The following KIAA1217 variants were observed in gnomAD, a reference collection of about 807,000 sequenced individuals.
KIAA1217 encodes the protein KIAA1217.
In KIAA1217, 88 loss-of-function variants were observed where a neutral mutation model predicts 163.9. That is an observed-to-expected ratio of 0.54 (90% CI 0.45 to 0.64). The LOEUF (loss-of-function observed/expected upper bound fraction) is 0.64, where lower values mean the gene tolerates loss of function less well. Ranked by LOEUF, KIAA1217 falls within the 30% of genes least tolerant of loss-of-function variation. The pLI is 0.00. For missense variants in KIAA1217, 2,372 were observed against 2,475.0 expected, an observed-to-expected ratio of 0.96 and a Z score of 0.88; for synonymous variants, 903 against 923.1, an observed-to-expected ratio of 0.98 and a Z score of 0.39.
intron 2 of KIAA1217, among the ~76,000 whole-genome samples, chr10:24,027,291 T>A (rs1467931372): frequency 1.3e-5 from 2 of 152,050 alleles, no homozygotes; most frequent in East Asian, 3.9e-4. Context: ...CCTGGGGCAT[T>A]CACTGGGCTT....
At chr10:24,249,695 T>C (rs1367000578) in intron 2 of KIAA1217, among the ~76,000 whole-genome samples, 1 of 152,206 alleles carries the variant, frequency 6.6e-6, no homozygotes, top group African/African-American at 2.4e-5. Flanking sequence ...TTACTTACTA[T>C]ATCTCAGAAA....
intron 1 of KIAA1217, among the ~76,000 whole-genome samples, chr10:23,963,091 G>C (rs117301658): frequency 0.028 from 4,186 of 152,140 alleles, 74 homozygotes; most frequent in Middle Eastern, 0.12. Context: ...AAAAATAATG[G>C]TTTCATATGG....
chr10:24,258,110 G>GGTCAA (rs1170747717), intron 2 of KIAA1217, among the ~76,000 whole-genome samples: 2 of 152,120 alleles, frequency 1.3e-5, no homozygotes, highest in African/African-American at 4.8e-5. Flanking sequence ...GAGCCCAAGA[G>GGTCAA]GTCAAGGCTG....
chr10:24,191,776 CAG>C (rs1589841221), intron 2 of KIAA1217, among the ~76,000 whole-genome samples: 6 of 152,126 alleles, frequency 3.9e-5, no homozygotes, highest in Admixed American at 3.9e-4. Flanking sequence ...TTTTTTGAGA[CAG>C]AGTCTCGCTC....
Position 24,034,280 on chromosome 10 carries a change from C to T in KIAA1217, c.-171+26906C>T, listed in dbSNP as rs2131543593. On this transcript the variant is annotated intron_variant, in intron 2 of 18. Coordinates refer to the KIAA1217 transcript ENST00000376462. ...AGCTTAGAAGCCAAACAAAGCTAGCCAGGTGCTGTGGCTTACACCTGTAAT... is the reference window on the plus strand; with the variant it reads ...AGCTTAGAAGCCAAACAAAGCTAGCTAGGTGCTGTGGCTTACACCTGTAAT... 2.0e-5 allele frequency among the ~76,000 whole-genome samples: 3 copies of T among 152,184 alleles called. No individual in the cohort carries two copies. The Middle Eastern group carries it at 0.01, about 518-fold the overall frequency.
In KIAA1217 at chr10:23,907,283, C is replaced by A. The variant is rs188604375; in HGVS notation, c.-320-99942C>A. 3.8e-3 allele frequency among the ~76,000 whole-genome samples: 553 copies of A among 146,302 alleles called. 1 individual carries two copies. The highest frequency in any genetic ancestry group is 6.5e-3 in the Non-Finnish European group (431 of 66,210). On this transcript the variant is annotated intron_variant, in intron 1 of 18. Transcript: ENST00000376462. ...TCAGGGTTCTGCAGAGAAAGAGAAC[C>A]AATATGATTTGTGTGTGTGTGTGTG...
At chr10:24,517,304 A>G (rs1230342401) in intron 10 of KIAA1217, among the ~76,000 whole-genome samples, 1 of 152,206 alleles carries the variant, frequency 6.6e-6, no homozygotes, top group Non-Finnish European at 1.5e-5. Flanking sequence ...GCAAGACAGC[A>G]GGTTATAAAA....
chr10:24,319,686 ACCACCCCAGGGGTGCG>A (rs1564465459), intron 2 of KIAA1217, among the ~76,000 whole-genome samples: 1 of 152,152 alleles, frequency 6.6e-6, no homozygotes. Flanking sequence ...AGCCTTGAAG[ACCACCCCAGGGGTGCG>A]CCTTAGCAAC....
chr10:23,979,587 C>A (rs1033284534), intron 1 of KIAA1217, among the ~76,000 whole-genome samples: 6 of 152,142 alleles, frequency 3.9e-5, no homozygotes, highest in Admixed American at 3.3e-4. Context: ...GAAAATCATA[C>A]AAAACAAATT....
chr10:24,347,517 G>A (rs1177274270), intron 2 of KIAA1217, among the ~76,000 whole-genome samples: 1 of 152,126 alleles, frequency 6.6e-6, no homozygotes, highest in Non-Finnish European at 1.5e-5. Flanking sequence ...CTTGACACTA[G>A]GTAAGTGGGA....
At chr10:24,276,232 A>G (rs1027101340) in intron 2 of KIAA1217, among the ~76,000 whole-genome samples, 5 of 152,208 alleles carry the variant, frequency 3.3e-5, no homozygotes, top group South Asian at 2.1e-4. Context: ...CTGATCATCC[A>G]TCTTATTGAT....
At chr10:23,994,965 A>G (rs1846400777) in intron 1 of KIAA1217, among the ~76,000 whole-genome samples, 3 of 152,214 alleles carry the variant, frequency 2.0e-5, no homozygotes, top group Admixed American at 2.0e-4. Context: ...ACAATTATGT[A>G]ATACCCTTAC....
chr10:24,544,005 A>G lies in KIAA1217; in HGVS notation c.4735A>G (p.Lys1579Glu), dbSNP rs138965179. Reference protein sequence around the residue: ...PKKKFKFKFPKKQLAALTQAI... With the variant: ...PKKKFKFKFPEKQLAALTQAI... ...GAAAAAGTTTAAATTCAAATTCCCT[A>G]AGAAGCAACTCGCCGCTCTCACTCA... Residue 1579 changes from lysine to glutamate, a missense_variant, in exon 19 of 21, where the codon AAG becomes GAG. By Grantham distance (56) the Lys-to-Glu change is moderately conservative (BLOSUM62 1). This residue lies in a region of KIAA1217 where 690 missense variants were observed against 677.5 expected (regional missense o/e 1.02). Transcript: ENST00000376454. 1.2e-4 allele frequency: 192 copies of G among 1,614,016 alleles called. No individual in the cohort carries two copies. Among genetic ancestry groups the G allele is most frequent in the Non-Finnish European group, 1.6e-4 (184 of 1,180,034 alleles).
At chr10:23,717,076 C>A (rs114814603) in intron 1 of KIAA1217, among the ~76,000 whole-genome samples, 1,833 of 152,204 alleles carry the variant, frequency 0.012, 30 homozygotes, top group African/African-American at 0.039. Context: ...CAAGATTAAA[C>A]CCCTGCCTTA....
At chr10:23,992,511 C>T (rs1315031557) in intron 1 of KIAA1217, among the ~76,000 whole-genome samples, 2 of 152,022 alleles carry the variant, frequency 1.3e-5, no homozygotes, top group Non-Finnish European at 2.9e-5. Context: ...ATGCTCATGT[C>T]CTGATTTGAG....
intron 2 of KIAA1217, among the ~76,000 whole-genome samples, chr10:24,256,283 T>G (rs527914535): frequency 6.6e-6 from 1 of 152,156 alleles, no homozygotes; most frequent in East Asian, 1.9e-4. Context: ...ATCCTTGGAG[T>G]GGAGGCAGCA....
chr10:23,719,087 A>C (rs1204901575), intron 1 of KIAA1217, among the ~76,000 whole-genome samples: 1 of 152,206 alleles, frequency 6.6e-6, no homozygotes, highest in African/African-American at 2.4e-5. Flanking sequence ...ATATTCAGAC[A>C]AATAACATGT....
chr10:23,845,885 A>T (rs1166696903), intron 1 of KIAA1217, among the ~76,000 whole-genome samples: 2 of 152,144 alleles, frequency 1.3e-5, no homozygotes, highest in Non-Finnish European at 2.9e-5. Flanking sequence ...TAAGTCCTTA[A>T]TCCACCTTGA....
At chr10:24,243,137 A>G (rs1056990557) in intron 2 of KIAA1217, among the ~76,000 whole-genome samples, 5 of 152,188 alleles carry the variant, frequency 3.3e-5, no homozygotes, top group African/African-American at 1.2e-4. Flanking sequence ...TATTTATTTC[A>G]TTCAAAGTTT....
Sources: gnomAD v4.1 joint callset for allele counts (sites outside exome capture counted in the v4.1 genomes callset) on GRCh38, gnomAD v4.1.1 for gene constraint, gnomAD v4.1.1 regional missense constraint, MANE v1.5 for transcripts, NCBI Gene and HGNC (gene_info 2026-07-23, HGNC 2026-07-21) for gene names.